NUP93: variants seen among roughly 807,000 people sequenced by gnomAD.
NUP93 encodes the protein nuclear pore complex protein Nup93.
Under a neutral mutation model 107.8 loss-of-function variants are expected in NUP93, and 55 were observed. The observed-to-expected ratio is 0.51, with a 90% CI of 0.41 to 0.64. The LOEUF is 0.64. Among genes scored for constraint, NUP93 ranks in the 30% least tolerant of loss-of-function variants. The pLI is 0.00. For synonymous variants in NUP93, 390 were observed against 397.5 expected (o/e 0.98, Z 0.22); for missense variants, 937 against 1,044.7 (o/e 0.90, Z 1.42).
At chr16:56,751,999 C>T (rs1174372695) in intron 2 of NUP93, among the ~76,000 whole-genome samples, 1 of 152,236 alleles carries the variant, frequency 6.6e-6, no homozygotes. Flanking sequence ...ATAAGCCGTA[C>T]ACTGCATAAG....
intron 1 of NUP93, among the ~76,000 whole-genome samples, chr16:56,734,312 G>T (rs1351251537): frequency 6.6e-6 from 1 of 152,228 alleles, no homozygotes; most frequent in African/African-American, 2.4e-5. Context: ...GAATATTCCT[G>T]CAGATGCAGA....
At chr16:56,749,418 T>A (rs1367040103) in intron 2 of NUP93, among the ~76,000 whole-genome samples, 1 of 152,192 alleles carries the variant, frequency 6.6e-6, no homozygotes, top group Admixed American at 6.5e-5. Flanking sequence ...CTAGTGAGGT[T>A]GACTCCAGAG....
intron 5 of NUP93, among the ~76,000 whole-genome samples, chr16:56,815,668 C>T (rs2144597261): frequency 6.6e-6 from 1 of 152,286 alleles, no homozygotes; most frequent in East Asian, 1.9e-4. Flanking sequence ...AAGTCTTCCA[C>T]TTATTCCTCA....
Position 56,832,399 on chromosome 16 carries a change from G to A in NUP93, c.1345+11G>A, listed in dbSNP as rs1308835395. ...TGTTGGAAGACTATGGTAAGATTCT[G>A]GACATAACCACCTTTCCCTTCTCTT... On this transcript the variant is annotated intron_variant, in intron 12 of 21. Transcript: ENST00000308159. 1 of 1,601,830 alleles carries A rather than the reference G, an allele frequency of 6.2e-7. No homozygotes were observed. The highest frequency in any genetic ancestry group is 1.1e-5 in the South Asian group (1 of 90,794).
chr16:56,807,832 C>A (rs1031090718), intron 5 of NUP93, among the ~76,000 whole-genome samples: 1 of 151,610 alleles, frequency 6.6e-6, no homozygotes, highest in Admixed American at 6.6e-5. Context: ...ACCATCCTGG[C>A]CAACATGGTG....
intron 20 of NUP93, among the ~76,000 whole-genome samples, chr16:56,841,328 G>T (rs1466486139): frequency 3.3e-5 from 5 of 151,616 alleles, no homozygotes; most frequent in African/African-American, 4.9e-5. Flanking sequence ...AGGGACTGTG[G>T]AGAAGTAGCG....
chr16:56,732,046 C>G (rs1442188944), intron 1 of NUP93, among the ~76,000 whole-genome samples: 2 of 152,190 alleles, frequency 1.3e-5, no homozygotes, highest in East Asian at 3.8e-4. Context: ...GTCAGACATG[C>G]TTTAGCCTCA....
intron 4 of NUP93, among the ~76,000 whole-genome samples, chr16:56,802,249 G>T (rs1251829537): frequency 7.9e-5 from 12 of 152,112 alleles, no homozygotes; most frequent in Admixed American, 7.9e-4. Context: ...CAAAATTGTG[G>T]CTCACACTTG....
intron 9 of NUP93, among the ~76,000 whole-genome samples, chr16:56,830,299 G>T (rs1440596640): frequency 6.6e-6 from 1 of 152,110 alleles, no homozygotes; most frequent in Admixed American, 6.5e-5. Context: ...AAGCTCTGGA[G>T]CCATATTGCC....
chr16:56,782,086 G>A, intron 3 of NUP93: 2 of 985,220 alleles, frequency 2.0e-6, no homozygotes, highest in Non-Finnish European at 2.4e-6. Flanking sequence ...CCTCAATTCA[G>A]GCAGTTTGGG....
intron 3 of NUP93, among the ~76,000 whole-genome samples, chr16:56,773,283 C>T (rs536260941): frequency 6.6e-6 from 1 of 152,346 alleles, no homozygotes; most frequent in Admixed American, 6.5e-5. Flanking sequence ...ATCTACCTCC[C>T]AACCTCATAT....
At chr16:56,805,468 T>G (rs778851877) in intron 4 of NUP93, 36 bp from the exon 5 acceptor site, 1 of 1,607,446 alleles carries the variant, frequency 6.2e-7, no homozygotes, top group Non-Finnish European at 8.5e-7. Context: ...TTTGTTTTTT[T>G]CCTGAGGGTC....
chr16:56,755,429 A>G (rs1310648549), intron 2 of NUP93, among the ~76,000 whole-genome samples: 1 of 151,736 alleles, frequency 6.6e-6, no homozygotes, highest in Admixed American at 6.6e-5. Flanking sequence ...TTATAGAGAC[A>G]GAAAGTAGAT....
intron 2 of NUP93, among the ~76,000 whole-genome samples, chr16:56,751,868 C>T (rs1338112015): frequency 1.3e-5 from 2 of 152,194 alleles, no homozygotes; most frequent in African/African-American, 4.8e-5. Flanking sequence ...AGGGAACCTT[C>T]CAAGGATTTT....
At chr16:56,832,690 T>C (rs1288816569) in intron 12 of NUP93, among the ~76,000 whole-genome samples, 1 of 152,208 alleles carries the variant, frequency 6.6e-6, no homozygotes, top group African/African-American at 2.4e-5. Context: ...TGCTTCCTAG[T>C]CGATCGTACC....
chr16:56,749,593 G>A (rs989656733), intron 2 of NUP93, among the ~76,000 whole-genome samples: 2 of 152,218 alleles, frequency 1.3e-5, no homozygotes, highest in African/African-American at 2.4e-5. Flanking sequence ...AAAGAACTAA[G>A]TGCTGGTGTT....
chr16:56,837,237 C>A (rs1230367787), intron 17 of NUP93, among the ~76,000 whole-genome samples: 1 of 152,188 alleles, frequency 6.6e-6, no homozygotes, highest in African/African-American at 2.4e-5. Flanking sequence ...AGATTACATT[C>A]TCTCCTTTAT....
chr16:56,751,489 G>A (rs1467925505), intron 2 of NUP93, among the ~76,000 whole-genome samples: 1 of 152,172 alleles, frequency 6.6e-6, no homozygotes, highest in African/African-American at 2.4e-5. Context: ...ATAGTGAGTG[G>A]CCAAGCCAGA....
In NUP93 at chr16:56,849,992, A is replaced by G. The variant is rs1964158072; in HGVS notation, c.*5383A>G. 1 of 152,250 alleles carries G rather than the reference A, an allele frequency of 6.6e-6. No individual in the cohort carries two copies. Among genetic ancestry groups the G allele is most frequent in the Admixed American group, 6.5e-5 (1 of 15,284 alleles). 9.4% of individuals were successfully genotyped at this position (152,250 alleles called of 1,614,324 possible). On this transcript the variant is annotated 3_prime_UTR_variant, in exon 22 of 22. Transcript: ENST00000308159. ...ATTTCAAATACTGTGTATTTTAGAA[A>G]GAAAGGAAAGAGCCAAAGTACAGCC...
Sources: gnomAD v4.1 joint callset for allele counts (sites outside exome capture counted in the v4.1 genomes callset) on GRCh38, gnomAD v4.1.1 for gene constraint, MANE v1.5 for transcripts, NCBI Gene and HGNC (gene_info 2026-07-23, HGNC 2026-07-21) for gene names.